Variants in CALHM6 observed in about 807,000 individuals in gnomAD.
CALHM6 encodes the protein calcium homeostasis modulator family member 6.
CALHM6 carries 15 observed loss-of-function variants against 12.7 expected under a neutral mutation model. That is an observed-to-expected ratio of 1.18 (90% CI 0.79 to 1.82). The LOEUF is 1.82. CALHM6 is among the 40% of genes most tolerant of loss of function. The pLI is 0.00. For synonymous variants in CALHM6, 212 were observed against 193.7 expected (o/e 1.09, Z -0.78); for missense variants, 434 against 421.0 (o/e 1.03, Z -0.27).
In CALHM6 at chr6:116,463,488, C is replaced by G. The variant is rs557482432; in HGVS notation, c.731C>G (p.Ser244Trp). 6 of 1,614,122 alleles carry G rather than the reference C, an allele frequency of 3.7e-6. No homozygotes were observed. The highest frequency in any genetic ancestry group is 2.2e-5 in the East Asian group (1 of 44,874). Residue 244 changes from serine to tryptophan, a missense_variant, in exon 3 of 3, where the codon TCG becomes TGG. By Grantham distance (177) the Ser-to-Trp change is radical. Coordinates refer to ENST00000368605, the MANE Select transcript of CALHM6 (RefSeq NM_001010919.3). The stretch of plus-strand genomic sequence containing the variant: ...AATATTAAATGTTTCTTTGAGGGCT[C>G]GCATCCAAAAGAATATAACACTCCA... ...KENIKCFFEG[S>W]HPKEYNTPSM...
In CALHM6 at chr6:116,462,114, C is replaced by T. The variant is rs759945698; in HGVS notation, c.185C>T (p.Ala62Val). 3.4e-5 allele frequency: 53 copies of T among 1,541,440 alleles called. 1 individual carries two copies. The South Asian group carries it at 6.1e-4, about 18-fold the overall frequency. The change falls in exon 2 of 3, where the codon GCG becomes GTG. Residue 62 changes from alanine (A) to valine (V), a missense_variant. Ala to Val is a moderately conservative substitution (Grantham distance 64). Coordinates refer to ENST00000368605, the MANE Select transcript of CALHM6 (RefSeq NM_001010919.3). ...GLVFLLVPAL[A>V]LFLLGYVLSA... ...GTCTTCTTGCTGGTGCCGGCGCTCG[C>T]GCTCTTCCTCCTGGGCTACGTGCTG...
At position 116,463,517 on chromosome 6, in the gene CALHM6, A is replaced by G. The variant is rs749669606; in HGVS notation, c.760A>G (p.Met254Val). 4 of 1,614,200 alleles carry G rather than the reference A, an allele frequency of 2.5e-6. No homozygotes were observed. ...TCCAAAAGAATATAACACTCCAAGC[A>G]TGAAAGAGTGGCAGCAAATTTCATC... Reference protein sequence around the residue: ...SHPKEYNTPSMKEWQQISSLY... With the variant: ...SHPKEYNTPSVKEWQQISSLY... The change falls in exon 3 of 3, where the codon ATG becomes GTG. Residue 254 changes from methionine (M) to valine (V), a missense_variant. By Grantham distance (21) the Met-to-Val change is conservative. Transcript: ENST00000368605.
At chr6:116,461,492 G>A in intron 1 of CALHM6, 63 bp downstream of exon 1, 1 of 1,456,042 alleles carries the variant, frequency 6.9e-7, no homozygotes, top group Non-Finnish European at 9.4e-7. Context: ...TAACTAGGGT[G>A]GCTGCAATAG....
Position 116,462,003 on chromosome 6 carries a change from T to C in CALHM6, c.74T>C (p.Leu25Pro), listed in dbSNP as rs1247849433. 1.3e-6 allele frequency: 2 copies of C among 1,548,900 alleles called. No homozygotes were observed. ...HSALGYGLVT[L>P]LTAGGERIFS... ...GCCTTGGGCTACGGCCTGGTGACCCTGCTGACGGCGGGCGGGGAGCGCATC... is the reference window on the plus strand; with the variant it reads ...GCCTTGGGCTACGGCCTGGTGACCCCGCTGACGGCGGGCGGGGAGCGCATC... The change falls in exon 2 of 3, where the codon CTG becomes CCG. Residue 25 changes from leucine to proline, a missense_variant. Coordinates refer to ENST00000368605, the MANE Select transcript of CALHM6 (RefSeq NM_001010919.3).
chr6:116,462,119 T>C lies in CALHM6; in HGVS notation c.190T>C (p.Phe64Leu). Reference sequence around the variant, plus strand: ...CTTGCTGGTGCCGGCGCTCGCGCTCTTCCTCCTGGGCTACGTGCTGAGCGC... The same window carrying C: ...CTTGCTGGTGCCGGCGCTCGCGCTCCTCCTCCTGGGCTACGTGCTGAGCGC... Reference protein sequence around the residue: ...VFLLVPALALFLLGYVLSART... With the variant: ...VFLLVPALALLLLGYVLSART... Residue 64 changes from phenylalanine to leucine, a missense_variant, in exon 2 of 3, where the codon TTC becomes CTC. By Grantham distance (22) the Phe-to-Leu change is conservative. Transcript: ENST00000368605. 1 of 1,540,722 alleles carries C rather than the reference T, an allele frequency of 6.5e-7. No homozygotes were observed. The highest frequency in any genetic ancestry group is 8.7e-7 in the Non-Finnish European group (1 of 1,145,720).
intron 2 of CALHM6, among the ~76,000 whole-genome samples, chr6:116,462,872 A>G (rs1167269204): frequency 1.3e-5 from 2 of 152,228 alleles, no homozygotes; most frequent in Admixed American, 1.3e-4. Context: ...TTGTTTGCCC[A>G]GCCAATAGAA....
Position 116,462,266 on chromosome 6 carries a change from TG to T in CALHM6, c.340del (p.Val114TrpfsTer54). 7.3e-7 allele frequency: 1 copy of T among 1,376,910 alleles called. No individual in the cohort carries two copies. The highest frequency in any genetic ancestry group is 1.7e-5 in the South Asian group (1 of 59,532). The allele number at this position is 1,376,910 out of a possible 1,614,324, so 85.3% of individuals were successfully genotyped here. ...SAAAALAPLTWVAVALLGGAF... is the reference protein window; with the variant it reads ...SAAAALAPLTXVAVALLGGAF... ...GGCCGCCGCGCTCGCGCCCCTCACC[TG>T]GGTGGCCGTGGCGCTGCTCGGGGGC... On this transcript the variant is annotated frameshift_variant, in exon 2 of 3. Coordinates refer to ENST00000368605, the MANE Select transcript of CALHM6 (RefSeq NM_001010919.3). LOFTEE classifies it high-confidence loss of function.
Position 116,463,482 on chromosome 6 carries a change from A to G in CALHM6, c.725A>G (p.Glu242Gly). The change falls in exon 3 of 3, where the codon GAG (glutamate) becomes GGG (glycine). Residue 242 changes from glutamate (E) to glycine (G), a missense_variant. Transcript: ENST00000368605. ...AAAGAGAATATTAAATGTTTCTTTG[A>G]GGGCTCGCATCCAAAAGAATATAAC... is the stretch of plus-strand genomic sequence containing the variant. Reference protein sequence around the residue: ...LAKENIKCFFEGSHPKEYNTP... With the variant: ...LAKENIKCFFGGSHPKEYNTP... 1 of 1,614,184 alleles carries G rather than the reference A, an allele frequency of 6.2e-7. No individual in the cohort carries two copies. Among genetic ancestry groups the G allele is most frequent in the Non-Finnish European group, 8.5e-7 (1 of 1,180,022 alleles).
chr6:116,463,753 TAAAA>T lies in CALHM6; in HGVS notation c.*51_*54del. 1 of 1,396,410 alleles carries T rather than the reference TAAAA, an allele frequency of 7.2e-7. No homozygotes were observed. Among genetic ancestry groups the T allele is most frequent in the Non-Finnish European group, 9.6e-7 (1 of 1,044,890 alleles). 86.5% of individuals were successfully genotyped at this position (1,396,410 alleles called of 1,614,324 possible). A position where few individuals can be genotyped will look rare whatever the true frequency, so the allele number is the denominator to read the frequency against. Reference sequence around the variant, plus strand: ...AAATTGTTTTGAATTATTGCTTTATTAAAAAATAAACATTGGTATTTTTTGAGTG... The same window carrying T: ...AAATTGTTTTGAATTATTGCTTTATTAATAAACATTGGTATTTTTTGAGTG... On this transcript the variant is annotated 3_prime_UTR_variant, in exon 3 of 3. Transcript: ENST00000368605.
chr6:116,462,854 A>C (rs1013666096), intron 2 of CALHM6, among the ~76,000 whole-genome samples: 1 of 152,214 alleles, frequency 6.6e-6, no homozygotes, highest in Admixed American at 6.5e-5. Context: ...CACTGAGTCT[A>C]AGTAAAGTTG....
intron 1 of CALHM6, 61 bp from the exon 2 acceptor site, chr6:116,461,811 G>GAAAAAT (rs1784774850): frequency 1.7e-6 from 1 of 580,754 alleles, no homozygotes; most frequent in South Asian, 4.7e-5. Context: ...AAAAAAAAAG[G>GAAAAAT]CTGCTTCTCG....
In CALHM6 at chr6:116,462,446, C is replaced by T. The variant is rs1784799246; in HGVS notation, c.517C>T (p.Gln173Ter). ...GGACCTCCTGAAGGATCTGAAGGCT[C>T]AGTCGCAGGTCTGCCGCTGGCGCTG... ...VQDLLKDLKA[Q>*]SQVLGWILIA... Residue 173 changes from glutamine to a stop codon, truncating the protein, a stop_gained, in exon 2 of 3, where the codon CAG becomes TAG. Transcript: ENST00000368605. LOFTEE classifies it low-confidence loss of function (END_TRUNC). 1.3e-6 allele frequency: 2 copies of T among 1,497,098 alleles called. No homozygotes were observed. Among genetic ancestry groups the T allele is most frequent in the African/African-American group, 1.5e-5 (1 of 68,700 alleles). The allele number at this position is 1,497,098 out of a possible 1,614,324, so 92.7% of individuals were successfully genotyped here. A position where few individuals can be genotyped will look rare whatever the true frequency, so the allele number is the denominator to read the frequency against.
chr6:116,463,406 G>T lies in CALHM6; in HGVS notation c.649G>T (p.Glu217Ter), dbSNP rs762477294. 1.9e-6 allele frequency: 3 copies of T among 1,614,094 alleles called. No individual in the cohort carries two copies. In the East Asian group the frequency reaches 6.7e-5, roughly 36 times the overall value. Residue 217 changes from glutamate to a stop codon, truncating the protein, a stop_gained, in exon 3 of 3, where the codon GAG becomes TAG. Transcript: ENST00000368605. LOFTEE classifies it low-confidence loss of function (END_TRUNC). ...LKFWKIYLEQEQQILKSKATE... is the reference protein window; with the variant it reads ...LKFWKIYLEQ ...ATTCTGGAAAATCTATTTGGAACAG[G>T]AGCAGCAGATCCTTAAAAGTAAAGC...
At position 116,463,458 on chromosome 6, in the gene CALHM6, AAG is replaced by A. The variant is rs1435307195; in HGVS notation, c.705_706del (p.Asn236TyrfsTer2). 1 of 1,614,098 alleles carries A rather than the reference AAG, an allele frequency of 6.2e-7. No individual in the cohort carries two copies. The highest frequency in any genetic ancestry group is 1.3e-5 in the African/African-American group (1 of 74,952). On this transcript the variant is annotated frameshift_variant, in exon 3 of 3. Coordinates refer to ENST00000368605, the MANE Select transcript of CALHM6 (RefSeq NM_001010919.3). LOFTEE classifies it low-confidence loss of function (END_TRUNC). Reference sequence around the variant, plus strand: ...ACAGAGCATGCAACTGAATTGGCAAAAGAGAATATTAAATGTTTCTTTGAGGG... The same window carrying A: ...ACAGAGCATGCAACTGAATTGGCAAAAGAATATTAAATGTTTCTTTGAGGG...
In CALHM6 at chr6:116,462,474, G is replaced by A; in HGVS notation, c.525+20G>A. 6.8e-7 allele frequency: 1 copy of A among 1,480,924 alleles called. No individual in the cohort carries two copies. Among genetic ancestry groups the A allele is most frequent in the Non-Finnish European group, 9.0e-7 (1 of 1,113,426 alleles). 91.7% of individuals were successfully genotyped at this position (1,480,924 alleles called of 1,614,324 possible). On this transcript the variant is annotated intron_variant, in intron 2 of 2. Coordinates refer to ENST00000368605, the MANE Select transcript of CALHM6 (RefSeq NM_001010919.3). ...TCGCAGGTCTGCCGCTGGCGCTGGGGGCGTTTGGGAGGAGCCGAGAGGCCG... is the reference window on the plus strand; with the variant it reads ...TCGCAGGTCTGCCGCTGGCGCTGGGAGCGTTTGGGAGGAGCCGAGAGGCCG...
Position 116,461,958 on chromosome 6 carries a change from T to G in CALHM6, c.29T>G (p.Leu10Arg), listed in dbSNP as rs1784778610. 1.3e-6 allele frequency: 2 copies of G among 1,541,282 alleles called. No individual in the cohort carries two copies. Among genetic ancestry groups the G allele is most frequent in the Non-Finnish European group, 1.8e-6 (2 of 1,141,064 alleles). Residue 10 changes from leucine to arginine, a missense_variant, in exon 2 of 3, where the codon CTG becomes CGG. Coordinates refer to ENST00000368605, the MANE Select transcript of CALHM6 (RefSeq NM_001010919.3). MEKFRAVLD[L>R]HVKHHSALGY... ...GAGAAGTTTCGGGCGGTGCTGGACC[T>G]GCACGTCAAGCACCACAGCGCCTTG...
At position 116,463,644 on chromosome 6, in the gene CALHM6, C is replaced by G; in HGVS notation, c.887C>G (p.Thr296Arg). The part of the protein sequence containing the change: ...THSIRSTEGD[T>R]VIPVLGFVDS... Reference sequence around the variant, plus strand: ...AGTATCAGGTCTACTGAAGGAGATACGGTGATTCCTGTTCTTGGCTTTGTA... The same window carrying G: ...AGTATCAGGTCTACTGAAGGAGATAGGGTGATTCCTGTTCTTGGCTTTGTA... The change falls in exon 3 of 3, where the codon ACG becomes AGG. Residue 296 changes from threonine to arginine, a missense_variant. By Grantham distance (71) the Thr-to-Arg change is moderately conservative. Coordinates refer to ENST00000368605, the MANE Select transcript of CALHM6 (RefSeq NM_001010919.3). 1 of 1,613,872 alleles carries G rather than the reference C, an allele frequency of 6.2e-7. No individual in the cohort carries two copies. The highest frequency in any genetic ancestry group is 1.1e-5 in the South Asian group (1 of 91,042).
chr6:116,463,213 A>T, intron 2 of CALHM6, 70 bp from the exon 3 acceptor site: 1 of 1,451,322 alleles, frequency 6.9e-7, no homozygotes. Flanking sequence ...TTGAAACTTT[A>T]TCTGAGGATT....
chr6:116,462,299 T>G lies in CALHM6; in HGVS notation c.370T>G (p.Tyr124Asp). Residue 124 changes from tyrosine (Y) to aspartate (D), a missense_variant, in exon 2 of 3, where the codon TAC (tyrosine) becomes GAC (aspartate). Tyr to Asp is a radical substitution (Grantham distance 160). Transcript: ENST00000368605. ...CGTGGCGCTGCTCGGGGGCGCCTTT[T>G]ACGAGTGCGCGGCCACCGGGAGCGC... ...VAVALLGGAF[Y>D]ECAATGSAAF... 1 of 1,425,704 alleles carries G rather than the reference T, an allele frequency of 7.0e-7. No individual in the cohort carries two copies. The highest frequency in any genetic ancestry group is 3.0e-5 in the East Asian group (1 of 33,106). 88.3% of individuals were successfully genotyped at this position (1,425,704 alleles called of 1,614,324 possible).
Sources: gnomAD v4.1 joint callset for allele counts (sites outside exome capture counted in the v4.1 genomes callset) on GRCh38, gnomAD v4.1.1 for gene constraint, MANE v1.5 for transcripts, NCBI Gene and HGNC (gene_info 2026-07-23, HGNC 2026-07-21) for gene names.